Variants in DCAF6 observed in about 807,000 individuals in gnomAD.
DCAF6 encodes the protein DDB1- and CUL4-associated factor 6.
A neutral mutation model predicts 125.1 loss-of-function variants in DCAF6; 54 were observed. That is an observed-to-expected ratio of 0.43 (90% CI 0.35 to 0.54). The LOEUF is 0.54. DCAF6 is among the 20% of genes least tolerant of loss of function. The pLI is 0.01. For synonymous variants in DCAF6, 371 were observed against 390.4 expected, an observed-to-expected ratio of 0.95 and a Z score of 0.58; for missense variants, 934 against 1,161.7, an observed-to-expected ratio of 0.80 and a Z score of 2.85.
chr1:168,072,016 C>G (rs1282695217), intron 21 of DCAF6, among the ~76,000 whole-genome samples: 1 of 151,912 alleles, frequency 6.6e-6, no homozygotes, highest in Non-Finnish European at 1.5e-5. Context: ...AAAGTCTTCC[C>G]TGGTAGTGCG....
chr1:167,890,958 T>TTAG, the DCAF6 span, among the ~76,000 whole-genome samples: 1 of 151,574 alleles, frequency 6.6e-6, no homozygotes, highest in Non-Finnish European at 1.5e-5. Flanking sequence ...TATTTATTTA[T>TTAG]TTAGTTAGTT....
chr1:167,911,329 T>A, the DCAF6 span, among the ~76,000 whole-genome samples: 1 of 152,252 alleles, frequency 6.6e-6, no homozygotes, highest in Admixed American at 6.5e-5. Context: ...TTCTTAAATA[T>A]CTGCTAGCCA....
chr1:167,878,067 C>G, the DCAF6 span, among the ~76,000 whole-genome samples: 1 of 152,156 alleles, frequency 6.6e-6, no homozygotes, highest in Non-Finnish European at 1.5e-5. Context: ...GAAATAATAT[C>G]TTATACTCTT....
Position 168,026,082 on chromosome 1 carries a change from ACT to A in DCAF6, c.1609+3039_1609+3040del, listed in dbSNP as rs149966372. Among the ~76,000 whole-genome samples the A allele has an allele frequency of 5.4e-3, 815 of 152,228 alleles. 5 individuals carry two copies. Among genetic ancestry groups the A allele is most frequent in the Non-Finnish European group, 6.3e-3 (429 of 67,980 alleles). On this transcript the variant is annotated intron_variant, in intron 12 of 21. Transcript: ENST00000367840. ...CATTTTTTAAACTCACTGAGATGTT[ACT>A]CTCAAAAATAATATAACTTCACAAT... is the stretch of plus-strand genomic sequence containing the variant.
chr1:167,951,854 A>T lies in DCAF6; in HGVS notation c.152A>T (p.Asp51Val). Residue 51 changes from aspartate to valine, a missense_variant, in exon 2 of 22, where the codon GAT becomes GTT. By Grantham distance (152) the Asp-to-Val change is radical. Coordinates refer to ENST00000367840, the MANE Select transcript of DCAF6 (RefSeq NM_001198956.2). The stretch of plus-strand genomic sequence containing the variant: ...CTTGAAGCAACCCTTAATGTGCATG[A>T]TGGTTGTGTAAGTAATAGTTAATTC... ...LKLEATLNVH[D>V]GCVNTICWND... 4 of 1,604,474 alleles carry T rather than the reference A, an allele frequency of 2.5e-6. No homozygotes were observed. Among genetic ancestry groups the T allele is most frequent in the Non-Finnish European group, 3.4e-6 (4 of 1,172,024 alleles).
At chr1:167,894,791 C>T in the DCAF6 span, among the ~76,000 whole-genome samples, 16 of 152,048 alleles carry the variant, frequency 1.1e-4, no homozygotes, top group Non-Finnish European at 1.8e-4. Context: ...TCAGAAGTGC[C>T]GGTGGTCTGG....
At chr1:168,020,588 A>G (rs1426780344) in intron 11 of DCAF6, among the ~76,000 whole-genome samples, 1 of 152,200 alleles carries the variant, frequency 6.6e-6, no homozygotes, top group Non-Finnish European at 1.5e-5. Context: ...ACATGTTACA[A>G]TAAACTACCA....
the DCAF6 span, among the ~76,000 whole-genome samples, chr1:167,873,470 G>A: frequency 0.18 from 27,119 of 152,112 alleles, 4,330 homozygotes; most frequent in African/African-American, 0.43. Flanking sequence ...ACACAGTTAG[G>A]ACCAAGATTT....
chr1:167,952,270 G>C (rs1013953801), intron 2 of DCAF6, among the ~76,000 whole-genome samples: 1 of 151,796 alleles, frequency 6.6e-6, no homozygotes, highest in Non-Finnish European at 1.5e-5. Flanking sequence ...GCGCAATCTC[G>C]GCTCACTGCA....
At chr1:167,980,171 C>T (rs1678891302) in intron 4 of DCAF6, among the ~76,000 whole-genome samples, 1 of 152,134 alleles carries the variant, frequency 6.6e-6, no homozygotes, top group South Asian at 2.1e-4. Context: ...CAGAGTGAGA[C>T]TCCATCTCAG....
chr1:168,050,076 A>AAG (rs1370862315), intron 16 of DCAF6, among the ~76,000 whole-genome samples: 1 of 151,522 alleles, frequency 6.6e-6, no homozygotes, highest in East Asian at 1.9e-4. Context: ...GAAAAAAAAA[A>AAG]ACAAGCATCT....
chr1:167,988,232 C>T (rs1205103572), intron 5 of DCAF6, among the ~76,000 whole-genome samples: 2 of 152,138 alleles, frequency 1.3e-5, no homozygotes, highest in Non-Finnish European at 2.9e-5. Flanking sequence ...GCAATCCTAG[C>T]TCACTGCAGC....
chr1:168,003,130 G>A (rs1313341497), intron 8 of DCAF6, among the ~76,000 whole-genome samples: 1 of 152,020 alleles, frequency 6.6e-6, no homozygotes, highest in Non-Finnish European at 1.5e-5. Context: ...GTGATCAAAA[G>A]CATATTCCCC....
chr1:168,056,207 G>C, intron 17 of DCAF6: 5 of 1,612,380 alleles, frequency 3.1e-6, no homozygotes, highest in Non-Finnish European at 4.2e-6. Flanking sequence ...GTGCAAAATT[G>C]CTGATTCCCA....
In DCAF6 at chr1:167,987,345, T is replaced by G. The variant is rs1680152577; in HGVS notation, c.439-150T>G. The stretch of plus-strand genomic sequence containing the variant: ...TATTTCTATCTGTATTGTACCATTC[T>G]GAATCATAGTATGGGTAAGCCATGA... On this transcript the variant is annotated intron_variant, in intron 4 of 21. Coordinates refer to ENST00000367840, the MANE Select transcript of DCAF6 (RefSeq NM_001198956.2). 7 of 498,012 alleles carry G rather than the reference T, an allele frequency of 1.4e-5. No individual in the cohort carries two copies. The South Asian group carries it at 2.8e-4, about 20-fold the overall frequency. The allele number at this position is 498,012 out of a possible 1,614,324, so 30.8% of individuals were successfully genotyped here.
chr1:167,931,696 A>G (rs927125404), upstream of DCAF6, among the ~76,000 whole-genome samples: 4 of 152,118 alleles, frequency 2.6e-5, no homozygotes, highest in African/African-American at 9.6e-5. Context: ...TATTTGATCC[A>G]TATTAGATTT....
At chr1:167,903,781 G>A in the DCAF6 span, 1 of 793,618 alleles carries the variant, frequency 1.3e-6, no homozygotes, top group Non-Finnish European at 2.2e-6. Context: ...TCATGGGGAA[G>A]AGGAGGAGTG....
At chr1:168,003,048 T>A (rs1682859801) in intron 8 of DCAF6, among the ~76,000 whole-genome samples, 1 of 152,112 alleles carries the variant, frequency 6.6e-6, no homozygotes, top group African/African-American at 2.4e-5. Context: ...GAATTATAAT[T>A]CTATATTATT....
At chr1:167,990,761 A>G (rs1307431372) in intron 5 of DCAF6, among the ~76,000 whole-genome samples, 1 of 152,114 alleles carries the variant, frequency 6.6e-6, no homozygotes, top group African/African-American at 2.4e-5. Flanking sequence ...TTTGAAAGTA[A>G]TTTTTATTTT....
Sources: gnomAD v4.1 joint callset for allele counts (sites outside exome capture counted in the v4.1 genomes callset) on GRCh38, gnomAD v4.1.1 for gene constraint, MANE v1.5 for transcripts, NCBI Gene and HGNC (gene_info 2026-07-23, HGNC 2026-07-21) for gene names.